PCDH9: variants seen among roughly 807,000 people sequenced by gnomAD.
PCDH9 encodes protocadherin 9.
In PCDH9, 24 loss-of-function variants were observed where a neutral mutation model predicts 70.6. The ratio of observed to expected loss-of-function variants is 0.34; its 90% confidence interval spans 0.25 to 0.48. The LOEUF (loss-of-function observed/expected upper bound fraction) is 0.48, where lower values mean the gene tolerates loss of function less well. Among genes scored for constraint, PCDH9 ranks in the 20% least tolerant of loss-of-function variants. The probability of loss-of-function intolerance (pLI) is 0.99; values close to 1 mark genes in which losing one functional copy is unlikely to be tolerated. For missense variants in PCDH9, 1,281 were observed against 1,503.6 expected (o/e 0.85, Z 2.45); for synonymous variants, 562 against 558.5 (o/e 1.01, Z -0.09).
intron 4 of PCDH9, among the ~76,000 whole-genome samples, chr13:66,578,077 A>G (rs1317433016): frequency 3.3e-5 from 5 of 152,134 alleles, no homozygotes; most frequent in East Asian, 3.8e-4. Context: ...AGTTTATTTT[A>G]TGTATTTTCC....
intron 2 of PCDH9, among the ~76,000 whole-genome samples, chr13:67,030,384 A>G (rs2084879705): frequency 6.6e-6 from 1 of 152,042 alleles, no homozygotes; most frequent in East Asian, 1.9e-4. Flanking sequence ...CTCTTCATCA[A>G]AAAAAGTTTA....
chr13:67,128,758 T>C (rs375730715), intron 2 of PCDH9, among the ~76,000 whole-genome samples: 1 of 152,308 alleles, frequency 6.6e-6, no homozygotes, highest in African/African-American at 2.4e-5. Flanking sequence ...TGAATTCCTC[T>C]AGAAGATGTT....
At chr13:66,813,201 AATGGAACAGAG>A (rs2080540660) in intron 3 of PCDH9, among the ~76,000 whole-genome samples, 1 of 152,210 alleles carries the variant, frequency 6.6e-6, no homozygotes, top group African/African-American at 2.4e-5. Context: ...CATATGATGT[AATGGAACAGAG>A]ATGGACACTC....
chr13:66,933,654 G>T (rs530998812), intron 2 of PCDH9, among the ~76,000 whole-genome samples: 74 of 152,178 alleles, frequency 4.9e-4, no homozygotes, highest in Non-Finnish European at 9.6e-4. Context: ...TTTCTGTCAA[G>T]ACAAAATGTT....
At chr13:66,816,724 C>T (rs959086766) in intron 3 of PCDH9, among the ~76,000 whole-genome samples, 10 of 152,028 alleles carry the variant, frequency 6.6e-5, no homozygotes, top group African/African-American at 2.4e-4. Context: ...AGTTCGAGAC[C>T]AGTGTGACAA....
At chr13:66,336,125 G>T (rs568217918) in intron 4 of PCDH9, among the ~76,000 whole-genome samples, 54 of 152,142 alleles carry the variant, frequency 3.5e-4, no homozygotes, top group African/African-American at 1.3e-3. Flanking sequence ...GGACTCTATA[G>T]GAATCCACTC....
chr13:66,735,005 G>A (rs144618834), intron 3 of PCDH9, among the ~76,000 whole-genome samples: 10 of 152,244 alleles, frequency 6.6e-5, no homozygotes, highest in Non-Finnish European at 1.0e-4. Flanking sequence ...TGTACATGTT[G>A]ATTAACATGA....
chr13:66,315,950 A>T (rs1222146995), intron 4 of PCDH9, among the ~76,000 whole-genome samples: 1 of 152,236 alleles, frequency 6.6e-6, no homozygotes, highest in East Asian at 1.9e-4. Flanking sequence ...AAAGGTTAAA[A>T]GTCTGAAATC....
chr13:66,983,749 C>A (rs1280532925), intron 2 of PCDH9, among the ~76,000 whole-genome samples: 2 of 151,944 alleles, frequency 1.3e-5, no homozygotes, highest in East Asian at 3.9e-4. Flanking sequence ...ACTCATTGCA[C>A]AGGGGTTTGT....
At chr13:66,956,862 C>T (rs2083272657) in intron 2 of PCDH9, among the ~76,000 whole-genome samples, 1 of 152,164 alleles carries the variant, frequency 6.6e-6, no homozygotes, top group Non-Finnish European at 1.5e-5. Context: ...TCCCCTCTCC[C>T]CCCACCAAAA....
chr13:66,608,514 T>C (rs2077250121), intron 4 of PCDH9, among the ~76,000 whole-genome samples: 1 of 152,142 alleles, frequency 6.6e-6, no homozygotes, highest in Non-Finnish European at 1.5e-5. Context: ...GTTAACATTT[T>C]GTTCCAGATG....
In PCDH9 at chr13:66,799,546, TA is replaced by T. The variant is rs759714609; in HGVS notation, c.3138+103957del. Among the ~76,000 whole-genome samples the T allele has an allele frequency of 3.9e-5, 6 of 152,310 alleles. No homozygotes were observed. In the East Asian group the frequency reaches 5.8e-4, roughly 15 times the overall value. On this transcript the variant is annotated intron_variant, in intron 3 of 4. Coordinates refer to ENST00000377865, the MANE Select transcript of PCDH9 (RefSeq NM_203487.3). ...ATAGCAATATTCAGTAATTAACTGC[TA>T]AGAACTATAAGGACCAGTATTAATT...
chr13:66,722,907 G>A (rs1377312245), intron 3 of PCDH9, among the ~76,000 whole-genome samples: 2 of 150,168 alleles, frequency 1.3e-5, no homozygotes, highest in Non-Finnish European at 2.9e-5. Context: ...GGCGGAGGTT[G>A]CAGTGAGCCG....
intron 2 of PCDH9, among the ~76,000 whole-genome samples, chr13:66,943,212 A>G (rs1033941047): frequency 2.0e-5 from 3 of 152,026 alleles, no homozygotes; most frequent in Admixed American, 6.6e-5. Context: ...TTATATTACA[A>G]TGGTTTGCAA....
At chr13:66,822,012 C>A (rs567085333) in intron 3 of PCDH9, among the ~76,000 whole-genome samples, 3 of 152,118 alleles carry the variant, frequency 2.0e-5, no homozygotes, top group African/African-American at 4.8e-5. Flanking sequence ...GAATTTGATG[C>A]CTCAACCTAT....
Position 66,304,740 on chromosome 13 carries a change from T to C in PCDH9, c.3629A>G (p.His1210Arg), listed in dbSNP as rs1048736156. ...SNEGHFNNGS[H>R]MTDIPLANLK... ...ATTTGCCAGAGGAATGTCTGTCATGTGGCTGCCATTGTTGAAATGGCCTTC... is the reference window on the plus strand; with the variant it reads ...ATTTGCCAGAGGAATGTCTGTCATGCGGCTGCCATTGTTGAAATGGCCTTC... Residue 1210 changes from histidine to arginine, a missense_variant, in exon 5 of 5, where the codon CAC (histidine) becomes CGC (arginine). His to Arg is a conservative substitution (Grantham distance 29). Coordinates refer to ENST00000377865, the MANE Select transcript of PCDH9 (RefSeq NM_203487.3). 3.1e-6 allele frequency: 5 copies of C among 1,613,414 alleles called. No individual in the cohort carries two copies. The highest frequency in any genetic ancestry group is 3.4e-6 in the Non-Finnish European group (4 of 1,179,640).
chr13:66,429,154 C>G (rs560006847), intron 4 of PCDH9, among the ~76,000 whole-genome samples: 4 of 151,916 alleles, frequency 2.6e-5, no homozygotes, highest in African/African-American at 9.6e-5. Context: ...AAAATTCACT[C>G]TGATACTGAC....
chr13:66,535,594 T>C (rs1313601341), intron 4 of PCDH9, among the ~76,000 whole-genome samples: 3 of 152,072 alleles, frequency 2.0e-5, no homozygotes, highest in Non-Finnish European at 4.4e-5. Flanking sequence ...GAATTGCCAC[T>C]TTCCAGAATT....
At chr13:66,613,703 G>T (rs984461990) in intron 4 of PCDH9, among the ~76,000 whole-genome samples, 2 of 152,152 alleles carry the variant, frequency 1.3e-5, no homozygotes, top group African/African-American at 2.4e-5. Flanking sequence ...TCCACCCAGC[G>T]ACTGGGTTTT....
Sources: allele counts gnomAD v4.1 joint callset (sites outside exome capture counted in the v4.1 genomes callset), GRCh38; gene constraint gnomAD v4.1.1; transcripts MANE v1.5; gene names NCBI Gene and HGNC (gene_info 2026-07-23, HGNC 2026-07-21).